Variants in MTUS2 observed in about 807,000 individuals in gnomAD.
The protein encoded by MTUS2 is microtubule-associated tumor suppressor candidate 2.
In MTUS2, 40 loss-of-function variants were observed where a neutral mutation model predicts 114.1. The ratio of observed to expected loss-of-function variants is 0.35; its 90% CI spans 0.27 to 0.46. The LOEUF (loss-of-function observed/expected upper bound fraction) is 0.46. MTUS2 is among the 20% of genes least tolerant of loss of function. The pLI is 1.00. For missense variants in MTUS2, 1,679 were observed against 1,705.4 expected (o/e 0.98, Z 0.27); for synonymous variants, 688 against 672.0 (o/e 1.02, Z -0.37).
At chr13:29,322,146 A>T (rs928415388) in intron 6 of MTUS2, among the ~76,000 whole-genome samples, 1 of 152,232 alleles carries the variant, frequency 6.6e-6, no homozygotes, top group Admixed American at 6.5e-5. Context: ...ATTGTGCTCC[A>T]TGAAAGCTGA....
intron 5 of MTUS2, among the ~76,000 whole-genome samples, chr13:29,138,616 T>C (rs1927837): frequency 0.57 from 86,714 of 151,044 alleles, 25,179 homozygotes; most frequent in African/African-American, 0.62. Flanking sequence ...AGGGTTTCTT[T>C]TGGAGATGAC....
intron 5 of MTUS2, among the ~76,000 whole-genome samples, chr13:29,198,917 T>C (rs192022013): frequency 6.6e-6 from 1 of 152,312 alleles, no homozygotes; most frequent in Non-Finnish European, 1.5e-5. Flanking sequence ...ACATTGATTA[T>C]GTATCCTGAG....
rs372837134 is a variant in MTUS2, at chr13:29,464,399, AG to A, written c.3185-15750del. On this transcript the variant is annotated intron_variant, in intron 9 of 15. Coordinates refer to ENST00000612955, the MANE Select transcript of MTUS2 (RefSeq NM_001033602.4). ...CCAGGGAGAGAGAACAGGAAGATCT[AG>A]AATTCAGACATGTAGGAGAGTCAGT... 2.6e-3 allele frequency among the ~76,000 whole-genome samples: 391 copies of A among 152,374 alleles called. 2 individuals carry two copies. The highest frequency in any genetic ancestry group is 0.01 in the Middle Eastern group (3 of 294).
intron 2 of MTUS2, among the ~76,000 whole-genome samples, chr13:29,022,213 A>G (rs755130623): frequency 9.2e-5 from 14 of 152,194 alleles, no homozygotes; most frequent in Non-Finnish European, 1.3e-4. Flanking sequence ...TTATGTATGT[A>G]AAAAAGTTTA....
In MTUS2 at chr13:29,389,508, CGT is replaced by C. The variant is rs1233462818; in HGVS notation, c.3117+30042_3117+30043del. On this transcript the variant is annotated intron_variant, in intron 8 of 15. Transcript: ENST00000612955. ...GTGTGTATGTGTATATATGTATACACGTGTGTGTATGTGTATATATGTATACA... is the reference window on the plus strand; with the variant it reads ...GTGTGTATGTGTATATATGTATACACGTGTGTATGTGTATATATGTATACA... Among the ~76,000 whole-genome samples, 51 of 69,610 alleles carry C rather than the reference CGT, an allele frequency of 7.3e-4. 5 individuals are homozygous for C. The East Asian group carries it at 0.017, about 23-fold the overall frequency. The allele number at this position is 69,610 out of a possible 152,430, so 45.7% of individuals were successfully genotyped here. A position where few individuals can be genotyped will look rare whatever the true frequency, so the allele number is the denominator to read the frequency against.
chr13:29,249,726 T>G (rs1419103014), intron 5 of MTUS2, among the ~76,000 whole-genome samples: 1 of 152,214 alleles, frequency 6.6e-6, no homozygotes, highest in African/African-American at 2.4e-5. Flanking sequence ...GATGGGTGTT[T>G]TCCAAAAATT....
chr13:28,928,362 A>G (rs1881436459), intron 2 of MTUS2, among the ~76,000 whole-genome samples: 1 of 152,240 alleles, frequency 6.6e-6, no homozygotes, highest in South Asian at 2.1e-4. Context: ...CCACTTGACA[A>G]GGGATTAATA....
At chr13:29,310,527 A>C (rs1356075367) in intron 6 of MTUS2, among the ~76,000 whole-genome samples, 1 of 152,236 alleles carries the variant, frequency 6.6e-6, no homozygotes, top group Non-Finnish European at 1.5e-5. Flanking sequence ...AAAAGGTTAC[A>C]TATTGCAACC....
At chr13:28,863,588 A>G (rs967569153) in intron 2 of MTUS2, among the ~76,000 whole-genome samples, 13 of 152,226 alleles carry the variant, frequency 8.5e-5, no homozygotes, top group Non-Finnish European at 1.6e-4. Flanking sequence ...CCAGTGAGGA[A>G]AAAACACATC....
chr13:29,054,306 T>G (rs1188902376), intron 4 of MTUS2, among the ~76,000 whole-genome samples: 2 of 152,200 alleles, frequency 1.3e-5, no homozygotes, highest in African/African-American at 4.8e-5. Context: ...ATTTATATAT[T>G]CTAAATACAA....
At chr13:29,479,973 T>G in intron 9 of MTUS2, 177 bp from the exon 10 acceptor site, 2 of 577,234 alleles carry the variant, frequency 3.5e-6, no homozygotes, top group Non-Finnish European at 6.0e-6. Context: ...CCAGGGTCTG[T>G]TGTGAGGATC....
At position 28,932,419 on chromosome 13, in the gene MTUS2, A is replaced by G. The variant is rs571963016; in HGVS notation, c.-242-92038A>G. Among the ~76,000 whole-genome samples, 8 of 152,314 alleles carry G rather than the reference A, an allele frequency of 5.3e-5. No individual in the cohort carries two copies. The East Asian group carries it at 1.5e-3, about 29-fold the overall frequency. On this transcript the variant is annotated intron_variant, in intron 2 of 15. Coordinates refer to ENST00000612955, the MANE Select transcript of MTUS2 (RefSeq NM_001033602.4). ...TCATGTCAGAGACTTGAGCATCTGT[A>G]GATTTTGGTATCTGTGGGGGTCCTG...
At chr13:29,233,754 A>G (rs185967850) in intron 5 of MTUS2, among the ~76,000 whole-genome samples, 25 of 152,332 alleles carry the variant, frequency 1.6e-4, no homozygotes, top group Admixed American at 1.6e-3. Flanking sequence ...CTAACATATC[A>G]CCTGGAGATT....
chr13:29,154,332 T>A (rs892283838), intron 5 of MTUS2, among the ~76,000 whole-genome samples: 1 of 152,232 alleles, frequency 6.6e-6, no homozygotes, highest in Non-Finnish European at 1.5e-5. Flanking sequence ...TTCAAGTGTT[T>A]AAAAGCAACA....
intron 2 of MTUS2, among the ~76,000 whole-genome samples, chr13:28,979,002 A>G (rs1408025990): frequency 1.3e-5 from 2 of 152,224 alleles, no homozygotes; most frequent in African/African-American, 4.8e-5. Flanking sequence ...TGGATCATTC[A>G]GAAGAGAGGC....
chr13:28,903,494 A>C, intron 2 of MTUS2, among the ~76,000 whole-genome samples: 1 of 139,758 alleles, frequency 7.2e-6, no homozygotes, highest in African/African-American at 2.7e-5. Context: ...ATTCCCACCT[A>C]TGAGTGAGAA....
intron 5 of MTUS2, among the ~76,000 whole-genome samples, chr13:29,208,921 C>T (rs563964219): frequency 5.3e-5 from 8 of 152,192 alleles, no homozygotes; most frequent in South Asian, 4.1e-4. Flanking sequence ...GTAGAATGTT[C>T]TCTAAATATC....
At chr13:29,288,939 T>A (rs1359914615) in intron 6 of MTUS2, among the ~76,000 whole-genome samples, 2 of 152,196 alleles carry the variant, frequency 1.3e-5, no homozygotes, top group Non-Finnish European at 2.9e-5. Flanking sequence ...TGTCCCAGGG[T>A]TGTTTTGCAA....
chr13:29,328,099 T>A (rs1256894573), intron 7 of MTUS2, among the ~76,000 whole-genome samples: 2 of 152,202 alleles, frequency 1.3e-5, no homozygotes, highest in African/African-American at 4.8e-5. Flanking sequence ...CTTATTGAAT[T>A]TTGAGAGTTT....
Sources: allele counts gnomAD v4.1 joint callset (sites outside exome capture counted in the v4.1 genomes callset), GRCh38; gene constraint gnomAD v4.1.1; transcripts MANE v1.5; gene names NCBI Gene and HGNC (gene_info 2026-07-23, HGNC 2026-07-21).